WFDC13: variants seen among roughly 807,000 people sequenced by gnomAD.
WFDC13 encodes the protein WAP four-disulfide core domain protein 13.
Under a neutral mutation model 10.9 loss-of-function variants are expected in WFDC13, and 6 were observed. The ratio of observed to expected loss-of-function variants is 0.55; its 90% CI spans 0.30 to 1.09. The LOEUF (loss-of-function observed/expected upper bound fraction) is 1.09. Ranked by LOEUF, WFDC13 falls within the 50% of genes least tolerant of loss-of-function variation. The pLI is 0.06. For synonymous variants in WFDC13, 38 were observed against 39.5 expected, an observed-to-expected ratio of 0.96 and a Z score of 0.14; for missense variants, 104 against 109.6, an observed-to-expected ratio of 0.95 and a Z score of 0.23.
chr20:45,707,636 A>G (rs187218518), intron 3 of WFDC13, among the ~76,000 whole-genome samples: 3 of 152,324 alleles, frequency 2.0e-5, no homozygotes, highest in Admixed American at 2.0e-4. Context: ...CTAAAAAATG[A>G]TGGCTAATTA....
At chr20:45,706,558 G>C (rs925864640) in intron 3 of WFDC13, among the ~76,000 whole-genome samples, 1 of 151,916 alleles carries the variant, frequency 6.6e-6, no homozygotes, top group Non-Finnish European at 1.5e-5. Context: ...CGGATCACGA[G>C]GTCAGGAGTT....
At chr20:45,704,313 T>C in intron 1 of WFDC13, 131 bp from the exon 2 acceptor site, 1 of 1,258,320 alleles carries the variant, frequency 7.9e-7, no homozygotes, top group Non-Finnish European at 1.1e-6. Flanking sequence ...CAAAACCTGA[T>C]GCCACCACCC....
intron 1 of WFDC13, among the ~76,000 whole-genome samples, chr20:45,703,050 A>G (rs1157889583): frequency 6.6e-6 from 1 of 152,212 alleles, no homozygotes; most frequent in Non-Finnish European, 1.5e-5. Flanking sequence ...TGCCCAGGGT[A>G]GAGTTAATTG....
intron 2 of WFDC13, chr20:45,704,876 TC>T (rs764887150): frequency 6.3e-7 from 1 of 1,597,644 alleles, no homozygotes. Flanking sequence ...CCACAGACCT[TC>T]CCCCGACCCA....
Position 45,708,621 on chromosome 20 carries a change from T to C in WFDC13, c.*786T>C, listed in dbSNP as rs1406993051. The C allele has an allele frequency of 1.3e-5, 2 of 152,144 alleles. No individual in the cohort carries two copies. Among genetic ancestry groups the C allele is most frequent in the African/African-American group, 2.4e-5 (1 of 41,430 alleles). The allele number at this position is 152,144 out of a possible 1,614,324, so 9.4% of individuals were successfully genotyped here. A position where few individuals can be genotyped will look rare whatever the true frequency, so the allele number is the denominator to read the frequency against. ...CTCTACAGAAATGATATAAAAACTA[T>C]AGTCATAAGAAGAGACAATCAAAAA... is the stretch of plus-strand genomic sequence containing the variant. On this transcript the variant is annotated 3_prime_UTR_variant, in exon 4 of 4. Transcript: ENST00000305479.
chr20:45,702,287 C>A, intron 1 of WFDC13, 76 bp downstream of exon 1: 2 of 1,421,272 alleles, frequency 1.4e-6, no homozygotes, highest in South Asian at 2.5e-5. Context: ...GACAGTCTGT[C>A]ACACCTCTTG....
intron 1 of WFDC13, 53 bp from the exon 2 acceptor site, chr20:45,704,391 A>C: frequency 1.3e-6 from 2 of 1,571,202 alleles, no homozygotes; most frequent in Non-Finnish European, 1.7e-6. Context: ...TGAGTTCTGA[A>C]CATTACTCCA....
intron 3 of WFDC13, among the ~76,000 whole-genome samples, chr20:45,707,433 C>G (rs576860240): frequency 6.6e-6 from 1 of 152,020 alleles, no homozygotes; most frequent in Non-Finnish European, 1.5e-5. Context: ...GCACTGGTCA[C>G]GAGAGGCTAT....
chr20:45,702,038 C>G lies in WFDC13; in HGVS notation c.-86C>G. 7.5e-7 allele frequency: 1 copy of G among 1,334,670 alleles called. No homozygotes were observed. 82.7% of individuals were successfully genotyped at this position (1,334,670 alleles called of 1,614,324 possible). On this transcript the variant is annotated 5_prime_UTR_variant, in exon 1 of 4. Transcript: ENST00000305479. ...AGTCACACTGGGCCTCCACTTTGCC[C>G]TCTTTCCTTCTCTTCTCCTCACAGC...
intron 2 of WFDC13, chr20:45,705,073 C>CACGGGCA: frequency 1.5e-6 from 2 of 1,356,902 alleles, no homozygotes; most frequent in Non-Finnish European, 2.1e-6. Flanking sequence ...TAACACTAGC[C>CACGGGCA]GCAAGCCTGC....
chr20:45,705,141 G>T (rs1203065966), intron 2 of WFDC13: 1 of 692,984 alleles, frequency 1.4e-6, no homozygotes, highest in Non-Finnish European at 2.5e-6. Flanking sequence ...GAGACATATG[G>T]TTTCTAATCC....
chr20:45,703,611 G>A (rs1984264640), intron 1 of WFDC13, among the ~76,000 whole-genome samples: 1 of 152,152 alleles, frequency 6.6e-6, no homozygotes, highest in African/African-American at 2.4e-5. Context: ...GATTAATGGG[G>A]CCCATCTTTA....
rs1984489846 is a variant in WFDC13 at position 45,708,598 on chromosome 20, C to T, written c.*763C>T. On this transcript the variant is annotated 3_prime_UTR_variant, in exon 4 of 4. Transcript: ENST00000305479. Reference sequence around the variant, plus strand: ...AGATTGAATTATCCTTCTGTTCTCTCTACAGAAATGATATAAAAACTATAG... The same window carrying T: ...AGATTGAATTATCCTTCTGTTCTCTTTACAGAAATGATATAAAAACTATAG... The T allele has an allele frequency of 6.6e-6, 1 of 152,014 alleles. No homozygotes were observed. Among genetic ancestry groups the T allele is most frequent in the South Asian group, 2.1e-4 (1 of 4,824 alleles). The allele number at this position is 152,014 out of a possible 1,614,324, so 9.4% of individuals were successfully genotyped here.
In WFDC13 at chr20:45,702,156, G is replaced by A. The variant is rs770962837; in HGVS notation, c.33G>A (p.Val11=). MKPVLPLQFL[V]VFCLALQLVP... ...CTGTGCTGCCTCTCCAGTTCCTGGT[G>A]GTGTTCTGCCTAGCACTGCAGCTGG... The change falls in exon 1 of 4, where the codon GTG becomes GTA. Residue 11 remains valine, a synonymous_variant. Transcript: ENST00000305479. 1 of 1,613,454 alleles carries A rather than the reference G, an allele frequency of 6.2e-7. No homozygotes were observed. Among genetic ancestry groups the A allele is most frequent in the Non-Finnish European group, 8.5e-7 (1 of 1,179,784 alleles).
intron 2 of WFDC13, 34 bp from the exon 3 acceptor site, chr20:45,705,829 C>T (rs764580026): frequency 1.9e-6 from 3 of 1,596,896 alleles, no homozygotes; most frequent in South Asian, 1.1e-5. Context: ...TAAAACTTCA[C>T]TAGTTAATAT....
At chr20:45,704,706 G>A in intron 2 of WFDC13, 112 bp downstream of exon 2, 1 of 1,446,790 alleles carries the variant, frequency 6.9e-7, no homozygotes, top group Non-Finnish European at 9.2e-7. Context: ...TTTTTTCCTT[G>A]GTGGCCATGT....
chr20:45,702,291 C>T (rs1984196972), intron 1 of WFDC13, 80 bp downstream of exon 1: 2 of 1,392,792 alleles, frequency 1.4e-6, no homozygotes, highest in Non-Finnish European at 2.0e-6. Flanking sequence ...GTCTGTCACA[C>T]CTCTTGGAAA....
chr20:45,703,497 A>C (rs1984257385), intron 1 of WFDC13, among the ~76,000 whole-genome samples: 2 of 152,166 alleles, frequency 1.3e-5, no homozygotes, highest in African/African-American at 4.8e-5. Context: ...TAGACCCACA[A>C]TTCCTCTATT....
intron 1 of WFDC13, among the ~76,000 whole-genome samples, chr20:45,703,950 G>A (rs1346883270): frequency 6.6e-6 from 1 of 152,082 alleles, no homozygotes; most frequent in African/African-American, 2.4e-5. Context: ...TTTAATGCAT[G>A]GTCTTCATCC....
Sources: allele counts gnomAD v4.1 joint callset (sites outside exome capture counted in the v4.1 genomes callset), GRCh38; gene constraint gnomAD v4.1.1; transcripts MANE v1.5; gene names NCBI Gene and HGNC (gene_info 2026-07-23, HGNC 2026-07-21).